Variants in FBXL17 observed in about 807,000 individuals in gnomAD.
FBXL17 encodes the protein F-box/LRR-repeat protein 17.
In FBXL17, 22 loss-of-function variants were observed where a neutral mutation model predicts 66.2. The observed-to-expected ratio is 0.33, with a 90% CI of 0.24 to 0.47. The LOEUF is 0.47. FBXL17 is among the 20% of genes least tolerant of loss of function. FBXL17 has a pLI of 1.00. For missense variants in FBXL17, 878 were observed against 948.2 expected (o/e 0.93, Z 0.97); for synonymous variants, 474 against 400.5 (o/e 1.18, Z -2.19).
intron 4 of FBXL17, among the ~76,000 whole-genome samples, chr5:108,316,100 T>C (rs900704488): frequency 6.6e-6 from 1 of 151,482 alleles, no homozygotes; most frequent in Non-Finnish European, 1.5e-5. Flanking sequence ...CTGAACAGTA[T>C]GTATTATGAT....
Position 108,380,932 on chromosome 5 carries a change from G to T in FBXL17, c.760C>A (p.Pro254Thr), listed in dbSNP as rs1171788466. 1.2e-5 allele frequency: 15 copies of T among 1,221,388 alleles called. No individual in the cohort carries two copies. Among genetic ancestry groups the T allele is most frequent in the South Asian group, 4.1e-5 (1 of 24,142 alleles). The allele number at this position is 1,221,388 out of a possible 1,614,324, so 75.7% of individuals were successfully genotyped here. A position where few individuals can be genotyped will look rare whatever the true frequency, so the allele number is the denominator to read the frequency against. Residue 254 changes from proline to threonine, a missense_variant, in exon 1 of 9, where the codon CCC becomes ACC. Transcript: ENST00000542267. The part of the protein sequence containing the change: ...DAGCCQAPEQ[P>T]PQPLCPPPSS... ...GGCGGAGGGCAGAGCGGCTGCGGGG[G>T]CTGCTCCGGGGCCTGGCAGCAGCCG...
chr5:108,161,328 A>G (rs1752209727), intron 6 of FBXL17, among the ~76,000 whole-genome samples: 1 of 151,414 alleles, frequency 6.6e-6, no homozygotes, highest in South Asian at 2.1e-4. Context: ...ACTAAAATAC[A>G]AAAAAAAATT....
At chr5:108,194,957 T>C (rs1184659017) in intron 5 of FBXL17, among the ~76,000 whole-genome samples, 1 of 152,154 alleles carries the variant, frequency 6.6e-6, no homozygotes, top group East Asian at 1.9e-4. Flanking sequence ...ATCCAGTTAC[T>C]GAAAGTACAA....
chr5:108,344,774 T>C (rs143783216), intron 4 of FBXL17, among the ~76,000 whole-genome samples: 1 of 152,356 alleles, frequency 6.6e-6, no homozygotes, highest in East Asian at 1.9e-4. Context: ...CTGAGGTTTC[T>C]AGATAATGAC....
chr5:108,371,536 A>C (rs192914150), intron 1 of FBXL17, among the ~76,000 whole-genome samples: 1 of 152,202 alleles, frequency 6.6e-6, no homozygotes, highest in Non-Finnish European at 1.5e-5. Flanking sequence ...CCCATTCACA[A>C]GAAAAAAGGA....
chr5:108,103,275 A>G (rs1390403377), intron 6 of FBXL17, among the ~76,000 whole-genome samples: 1 of 152,224 alleles, frequency 6.6e-6, no homozygotes, highest in East Asian at 1.9e-4. Context: ...TCAGTAATGC[A>G]ACTTCTAAAA....
intron 6 of FBXL17, among the ~76,000 whole-genome samples, chr5:108,147,429 T>A (rs568361711): frequency 6.6e-6 from 1 of 152,170 alleles, no homozygotes; most frequent in Non-Finnish European, 1.5e-5. Flanking sequence ...ATGCCTGTAG[T>A]CCCAGCACTT....
intron 7 of FBXL17, among the ~76,000 whole-genome samples, chr5:107,958,218 T>A (rs776497388): frequency 6.6e-6 from 1 of 152,128 alleles, no homozygotes; most frequent in Non-Finnish European, 1.5e-5. Context: ...TTATTTATTT[T>A]TTGGTGGCTG....
chr5:108,020,426 TG>T (rs929623120), intron 7 of FBXL17, among the ~76,000 whole-genome samples: 2 of 151,988 alleles, frequency 1.3e-5, no homozygotes, highest in Non-Finnish European at 2.9e-5. Context: ...TTTAAAATGT[TG>T]CATATAAATG....
At chr5:108,126,658 T>C (rs1207024303) in intron 6 of FBXL17, among the ~76,000 whole-genome samples, 14 of 121,408 alleles carry the variant, frequency 1.2e-4, no homozygotes, top group African/African-American at 4.0e-4. Flanking sequence ...TCTCTATATA[T>C]ATATACATAT....
At chr5:108,334,879 G>A (rs960364011) in intron 4 of FBXL17, among the ~76,000 whole-genome samples, 21 of 152,144 alleles carry the variant, frequency 1.4e-4, no homozygotes, top group African/African-American at 4.8e-4. Context: ...GAAGTCTTAC[G>A]CGGACCACGA....
At chr5:108,066,597 A>T (rs1748124853) in intron 6 of FBXL17, among the ~76,000 whole-genome samples, 1 of 151,996 alleles carries the variant, frequency 6.6e-6, no homozygotes, top group South Asian at 2.1e-4. Context: ...CAAGTGTATA[A>T]TTTGTACCTA....
chr5:108,297,914 T>C (rs1758415321), intron 4 of FBXL17: 5 of 961,368 alleles, frequency 5.2e-6, no homozygotes, highest in Non-Finnish European at 6.2e-6. Flanking sequence ...TCAGAATCCA[T>C]ATATCTTCAA....
intron 4 of FBXL17, among the ~76,000 whole-genome samples, chr5:108,272,831 T>C (rs1446127045): frequency 6.6e-6 from 1 of 152,216 alleles, no homozygotes; most frequent in East Asian, 1.9e-4. Context: ...TATTTATGTG[T>C]GTATGTATAT....
chr5:108,320,456 A>AT (rs896736188), intron 4 of FBXL17, among the ~76,000 whole-genome samples: 1 of 151,250 alleles, frequency 6.6e-6, no homozygotes, highest in Admixed American at 6.6e-5. Context: ...CCAAAAAAAA[A>AT]TTTTTTTTTG....
At chr5:108,000,201 GAAT>G (rs1753663534) in intron 7 of FBXL17, among the ~76,000 whole-genome samples, 1 of 152,100 alleles carries the variant, frequency 6.6e-6, no homozygotes, top group Admixed American at 6.6e-5. Context: ...ATGCATATGT[GAAT>G]AATAATATCA....
intron 7 of FBXL17, among the ~76,000 whole-genome samples, chr5:107,919,998 C>A (rs1750258260): frequency 6.6e-6 from 1 of 152,136 alleles, no homozygotes; most frequent in Admixed American, 6.5e-5. Context: ...ATAGTGCAAC[C>A]AAGCAACCTT....
At chr5:108,128,109 G>A (rs1369751807) in intron 6 of FBXL17, among the ~76,000 whole-genome samples, 1 of 152,022 alleles carries the variant, frequency 6.6e-6, no homozygotes, top group African/African-American at 2.4e-5. Flanking sequence ...AGCTGGGCGT[G>A]GTGGTGCATG....
intron 6 of FBXL17, among the ~76,000 whole-genome samples, chr5:108,049,931 T>C (rs1246737386): frequency 1.3e-5 from 2 of 152,174 alleles, no homozygotes; most frequent in Non-Finnish European, 2.9e-5. Context: ...AGGCAGGGAT[T>C]GGAATCCAAG....
Sources: allele counts gnomAD v4.1 joint callset (sites outside exome capture counted in the v4.1 genomes callset), GRCh38; gene constraint gnomAD v4.1.1; transcripts MANE v1.5; gene names NCBI Gene and HGNC (gene_info 2026-07-23, HGNC 2026-07-21).